GALNTL6: variants seen among roughly 807,000 people sequenced by gnomAD.
GALNTL6 encodes polypeptide N-acetylgalactosaminyltransferase-like 6.
A neutral mutation model predicts 73.7 loss-of-function variants in GALNTL6; 46 were observed. The observed-to-expected ratio is 0.62, with a 90% CI of 0.49 to 0.80. The LOEUF is 0.80. Among genes scored for constraint, GALNTL6 ranks in the 30% least tolerant of loss-of-function variants. The pLI is 0.00. For synonymous variants in GALNTL6, 259 were observed against 263.7 expected, an observed-to-expected ratio of 0.98 and a Z score of 0.17; for missense variants, 604 against 755.0, an observed-to-expected ratio of 0.80 and a Z score of 2.34.
At chr4:172,351,474 A>G (rs943476263) in intron 5 of GALNTL6, among the ~76,000 whole-genome samples, 5 of 152,148 alleles carry the variant, frequency 3.3e-5, no homozygotes, top group Non-Finnish European at 7.4e-5. Context: ...TGTTTAGCAG[A>G]ATCCTTTTCA....
chr4:172,949,598 T>A (rs958182345), intron 9 of GALNTL6, among the ~76,000 whole-genome samples: 7 of 152,160 alleles, frequency 4.6e-5, no homozygotes, highest in African/African-American at 1.2e-4. Flanking sequence ...AGTTTTTTTT[T>A]ATTCTAATCC....
At chr4:172,916,328 A>C (rs981134284) in intron 8 of GALNTL6, among the ~76,000 whole-genome samples, 41 of 152,206 alleles carry the variant, frequency 2.7e-4, no homozygotes, top group Non-Finnish European at 2.4e-4. Context: ...TCCCTTTGAA[A>C]ACTGGCACAA....
chr4:172,772,175 A>G (rs937382182), intron 5 of GALNTL6, among the ~76,000 whole-genome samples: 5 of 152,232 alleles, frequency 3.3e-5, no homozygotes, highest in Admixed American at 6.5e-5. Flanking sequence ...CCACGATTCA[A>G]TTGCCTCCCA....
At chr4:172,054,341 A>G (rs1487443016) in intron 2 of GALNTL6, among the ~76,000 whole-genome samples, 1 of 152,196 alleles carries the variant, frequency 6.6e-6, no homozygotes, top group Non-Finnish European at 1.5e-5. Flanking sequence ...TTTATATTTT[A>G]CATACTTTAT....
At chr4:172,429,200 T>A (rs1579063433) in intron 5 of GALNTL6, among the ~76,000 whole-genome samples, 1 of 146,644 alleles carries the variant, frequency 6.8e-6, no homozygotes, top group East Asian at 2.0e-4. Context: ...TTTATATTAT[T>A]TTATTTTATT....
intron 3 of GALNTL6, among the ~76,000 whole-genome samples, chr4:172,279,861 TG>T (rs1487937965): frequency 1.3e-5 from 2 of 152,104 alleles, no homozygotes; most frequent in Non-Finnish European, 2.9e-5. Flanking sequence ...ATTAAAAAAT[TG>T]TAGACTATCC....
chr4:172,680,024 T>C (rs1402893874), intron 5 of GALNTL6, among the ~76,000 whole-genome samples: 2 of 152,204 alleles, frequency 1.3e-5, no homozygotes, highest in Admixed American at 1.3e-4. Flanking sequence ...TAACTGAGTA[T>C]TGGCTTTCTA....
chr4:172,433,297 T>TA (rs1731523129), intron 5 of GALNTL6, among the ~76,000 whole-genome samples: 2 of 152,134 alleles, frequency 1.3e-5, no homozygotes, highest in African/African-American at 4.8e-5. Context: ...AAAGCTTGTC[T>TA]AAAGGGTAAA....
chr4:172,795,157 T>C (rs1029709633), intron 5 of GALNTL6, among the ~76,000 whole-genome samples: 2 of 152,068 alleles, frequency 1.3e-5, no homozygotes, highest in African/African-American at 2.4e-5. Flanking sequence ...GAGAGAGAGA[T>C]TGCAACACTT....
intron 3 of GALNTL6, among the ~76,000 whole-genome samples, chr4:172,278,175 T>C (rs1738901480): frequency 6.6e-6 from 1 of 152,222 alleles, no homozygotes; most frequent in African/African-American, 2.4e-5. Flanking sequence ...ATTTCTACTT[T>C]ATTTTTAATC....
chr4:172,332,306 A>G (rs1453095705), intron 4 of GALNTL6, among the ~76,000 whole-genome samples: 1 of 152,160 alleles, frequency 6.6e-6, no homozygotes, highest in Non-Finnish European at 1.5e-5. Context: ...ATAATTATCT[A>G]GTCAGAGTGT....
intron 3 of GALNTL6, among the ~76,000 whole-genome samples, chr4:172,304,639 G>T (rs1450711060): frequency 2.6e-5 from 4 of 152,128 alleles, no homozygotes; most frequent in Non-Finnish European, 5.9e-5. Flanking sequence ...TTACTTGTAA[G>T]AAATACTTAA....
At chr4:172,609,183 G>A (rs901963852) in intron 5 of GALNTL6, among the ~76,000 whole-genome samples, 3 of 152,020 alleles carry the variant, frequency 2.0e-5, no homozygotes, top group African/African-American at 4.8e-5. Context: ...TATTCATGTT[G>A]AATAGGAGTA....
intron 2 of GALNTL6, among the ~76,000 whole-genome samples, chr4:171,967,040 A>G (rs1394464261): frequency 6.6e-6 from 1 of 152,214 alleles, no homozygotes; most frequent in Non-Finnish European, 1.5e-5. Context: ...TTTGAAAGAA[A>G]GCTGAGAATA....
chr4:172,952,350 C>A, intron 10 of GALNTL6, 92 bp downstream of exon 10: 6 of 787,642 alleles, frequency 7.6e-6, no homozygotes, highest in Non-Finnish European at 8.3e-6. Flanking sequence ...CTAAAACCTT[C>A]ACTTTTACCC....
In GALNTL6 at chr4:172,930,001, G is replaced by A. The variant is rs181359097; in HGVS notation, c.1042-1160G>A. 1.8e-3 allele frequency among the ~76,000 whole-genome samples: 275 copies of A among 152,284 alleles called. 2 individuals carry two copies. The highest frequency in any genetic ancestry group is 6.1e-3 in the African/African-American group (255 of 41,556). On this transcript the variant is annotated intron_variant, in intron 8 of 12. Transcript: ENST00000506823. ...ATAAAAGTACAGCATCTAGGGCCAG[G>A]TGCGGTGGCTCACGCCTGTAATCCC... is the stretch of plus-strand genomic sequence containing the variant.
chr4:172,989,034 C>T (rs1039938786), intron 10 of GALNTL6, among the ~76,000 whole-genome samples: 3 of 152,358 alleles, frequency 2.0e-5, no homozygotes, highest in African/African-American at 4.8e-5. Flanking sequence ...CATACAGGGT[C>T]CTCAAACTGG....
At chr4:172,746,899 A>G (rs954862789) in intron 5 of GALNTL6, among the ~76,000 whole-genome samples, 7 of 152,154 alleles carry the variant, frequency 4.6e-5, no homozygotes, top group African/African-American at 1.7e-4. Flanking sequence ...GAAAGGATGA[A>G]GTAAAATTGT....
intron 8 of GALNTL6, among the ~76,000 whole-genome samples, chr4:172,910,744 G>A (rs1240966836): frequency 2.0e-5 from 3 of 152,202 alleles, no homozygotes; most frequent in Non-Finnish European, 1.5e-5. Context: ...CCTGAGCAAA[G>A]AGAATGAGCG....
Sources: gnomAD v4.1 joint callset for allele counts (sites outside exome capture counted in the v4.1 genomes callset) on GRCh38, gnomAD v4.1.1 for gene constraint, MANE v1.5 for transcripts, NCBI Gene and HGNC (gene_info 2026-07-23, HGNC 2026-07-21) for gene names.